PSMA8: variants seen among roughly 807,000 people sequenced by gnomAD.
The protein encoded by PSMA8 is proteasome 20S subunit alpha 8.
Under a neutral mutation model 32.4 loss-of-function variants are expected in PSMA8, and 18 were observed. That is an observed-to-expected ratio of 0.56 (90% CI 0.38 to 0.82). The LOEUF (loss-of-function observed/expected upper bound fraction) is 0.82, where lower values mean the gene tolerates loss of function less well. Ranked by LOEUF, PSMA8 falls within the 40% of genes least tolerant of loss-of-function variation. The probability of loss-of-function intolerance (pLI) is 0.00; values close to 1 mark genes in which losing one functional copy is unlikely to be tolerated. For missense variants in PSMA8, 298 were observed against 300.7 expected (o/e 0.99, Z 0.07); for synonymous variants, 104 against 98.1 (o/e 1.06, Z -0.36).
chr18:26,162,464 G>A (rs561355238), intron 4 of PSMA8, among the ~76,000 whole-genome samples: 3 of 152,190 alleles, frequency 2.0e-5, no homozygotes, highest in African/African-American at 2.4e-5. Flanking sequence ...TGGAGTAACA[G>A]GTTCTGGCAT....
chr18:26,150,767 G>A (rs776117507), intron 2 of PSMA8, among the ~76,000 whole-genome samples: 17 of 152,044 alleles, frequency 1.1e-4, no homozygotes, highest in Non-Finnish European at 2.4e-4. Context: ...ACTTTCCTAA[G>A]TATGTTACTT....
At chr18:26,166,543 T>C (rs1244626679) in intron 4 of PSMA8, among the ~76,000 whole-genome samples, 1 of 152,242 alleles carries the variant, frequency 6.6e-6, no homozygotes, top group Non-Finnish European at 1.5e-5. Context: ...CAGGTATACA[T>C]CTTTTTAACA....
intron 1 of PSMA8, among the ~76,000 whole-genome samples, chr18:26,137,598 CT>C (rs916974889): frequency 1.3e-5 from 2 of 151,928 alleles, no homozygotes; most frequent in South Asian, 2.1e-4. Flanking sequence ...TTTGTTTTCT[CT>C]TTTTTTTAAA....
chr18:26,174,818 A>C (rs996492372), intron 4 of PSMA8, among the ~76,000 whole-genome samples: 1 of 152,218 alleles, frequency 6.6e-6, no homozygotes, highest in African/African-American at 2.4e-5. Flanking sequence ...AAATTTAGTA[A>C]GTTTTGTTAC....
intron 6 of PSMA8, among the ~76,000 whole-genome samples, chr18:26,180,007 C>T (rs963321764): frequency 1.3e-5 from 2 of 151,254 alleles, no homozygotes; most frequent in Non-Finnish European, 1.5e-5. Flanking sequence ...TCCCAGCACT[C>T]TGGGAGGCTG....
chr18:26,172,746 C>G (rs2055233429), intron 4 of PSMA8, among the ~76,000 whole-genome samples: 1 of 152,122 alleles, frequency 6.6e-6, no homozygotes, highest in Admixed American at 6.6e-5. Flanking sequence ...CCTCATTTTG[C>G]AGCAAACAGC....
At chr18:26,179,038 A>G (rs1413791954) in intron 5 of PSMA8, 30 bp from the exon 6 acceptor site, 1 of 1,607,876 alleles carries the variant, frequency 6.2e-7, no homozygotes, top group South Asian at 1.1e-5. Context: ...TTGCTGAAAT[A>G]ATTCTAATAG....
At chr18:26,163,155 G>A (rs2055148506) in intron 4 of PSMA8, among the ~76,000 whole-genome samples, 1 of 145,158 alleles carries the variant, frequency 6.9e-6, no homozygotes, top group Non-Finnish European at 1.5e-5. Context: ...AGGGAGGACA[G>A]ACAATATAAA....
intron 4 of PSMA8, among the ~76,000 whole-genome samples, chr18:26,159,065 A>T (rs1330421580): frequency 1.3e-5 from 2 of 152,128 alleles, no homozygotes; most frequent in African/African-American, 4.8e-5. Flanking sequence ...ATTTTTATAT[A>T]TTCCTGTATA....
At chr18:26,141,708 T>TTTTTC in intron 1 of PSMA8, among the ~76,000 whole-genome samples, 1 of 149,132 alleles carries the variant, frequency 6.7e-6, no homozygotes, top group Non-Finnish European at 1.5e-5. Context: ...GTTTCTTTCT[T>TTTTTC]TTTTCTTTTT....
In PSMA8 at chr18:26,192,995, G is replaced by T. The variant is rs1427262518; in HGVS notation, c.*584G>T. 1 of 151,526 alleles carries T rather than the reference G, an allele frequency of 6.6e-6. No individual in the cohort carries two copies. Among genetic ancestry groups the T allele is most frequent in the Non-Finnish European group, 1.5e-5 (1 of 67,882 alleles). The allele number at this position is 151,526 out of a possible 1,614,324, so 9.4% of individuals were successfully genotyped here. A position where few individuals can be genotyped will look rare whatever the true frequency, so the allele number is the denominator to read the frequency against. ...TTTACAAGTTGCAATATATTGTTTC[G>T]TTCATGGAACAAATATAGGCTGAAT... On this transcript the variant is annotated 3_prime_UTR_variant, in exon 7 of 7. Transcript: ENST00000415576.
Position 26,171,148 on chromosome 18 carries a change from T to C in PSMA8, c.478-7682T>C. 2 of 1,559,362 alleles carry C rather than the reference T, an allele frequency of 1.3e-6. 1 individual carries two copies. Among genetic ancestry groups the C allele is most frequent in the Non-Finnish European group, 1.7e-6 (2 of 1,170,144 alleles). On this transcript the variant is annotated intron_variant, in intron 4 of 6. Coordinates refer to ENST00000415576, the MANE Select transcript of PSMA8 (RefSeq NM_001025096.2). ...TTACCCATAATCACCAGATTCTGTT[T>C]ACCTTCTACTGAAGAGGTTGTGGTC...
At chr18:26,184,350 C>T (rs1048244240) in intron 6 of PSMA8, among the ~76,000 whole-genome samples, 3 of 150,328 alleles carry the variant, frequency 2.0e-5, no homozygotes, top group African/African-American at 7.4e-5. Flanking sequence ...CAACTATAAA[C>T]AAAAAATTTA....
chr18:26,155,125 C>T (rs946891059), intron 3 of PSMA8, among the ~76,000 whole-genome samples: 1 of 151,974 alleles, frequency 6.6e-6, no homozygotes, highest in Admixed American at 6.5e-5. Context: ...ACCCCAGCTA[C>T]TTGGAAGGCT....
intron 4 of PSMA8, among the ~76,000 whole-genome samples, chr18:26,176,952 A>T (rs2055268742): frequency 6.6e-6 from 1 of 152,016 alleles, no homozygotes; most frequent in South Asian, 2.1e-4. Context: ...TAATAATAAT[A>T]ATAATACTAA....
At chr18:26,164,875 A>AG (rs929012737) in intron 4 of PSMA8, among the ~76,000 whole-genome samples, 4 of 151,822 alleles carry the variant, frequency 2.6e-5, no homozygotes, top group Non-Finnish European at 5.9e-5. Flanking sequence ...GTTTTTGTTG[A>AG]GGGGGGAGGG....
At chr18:26,187,463 C>T (rs1226896332) in intron 6 of PSMA8, among the ~76,000 whole-genome samples, 1 of 151,780 alleles carries the variant, frequency 6.6e-6, no homozygotes, top group Admixed American at 6.6e-5. Flanking sequence ...GTGGACTAAA[C>T]TCTCCAATCA....
intron 3 of PSMA8, among the ~76,000 whole-genome samples, chr18:26,157,847 C>G (rs2055102431): frequency 6.6e-6 from 1 of 152,128 alleles, no homozygotes; most frequent in Non-Finnish European, 1.5e-5. Context: ...AAATTACAGT[C>G]TAGTGATGTT....
intron 4 of PSMA8, among the ~76,000 whole-genome samples, chr18:26,166,021 G>A (rs536473497): frequency 1.3e-3 from 199 of 152,220 alleles, no homozygotes; most frequent in South Asian, 4.1e-3. Context: ...AGAATTGCTT[G>A]AACCCAGGAG....
Sources: allele counts gnomAD v4.1 joint callset (sites outside exome capture counted in the v4.1 genomes callset), GRCh38; gene constraint gnomAD v4.1.1; transcripts MANE v1.5; gene names NCBI Gene and HGNC (gene_info 2026-07-23, HGNC 2026-07-21).